PRDM4: variants seen among roughly 807,000 people sequenced by gnomAD.
The protein encoded by PRDM4 is PR/SET domain 4.
In PRDM4, 38 loss-of-function variants were observed where a neutral mutation model predicts 62.3. The ratio of observed to expected loss-of-function variants is 0.61; its 90% CI spans 0.47 to 0.80. The LOEUF is 0.80. Among genes scored for constraint, PRDM4 ranks in the 30% least tolerant of loss-of-function variants. The pLI is 0.00. For missense variants in PRDM4, 858 were observed against 997.1 expected (o/e 0.86, Z 1.88); for synonymous variants, 339 against 348.2 (o/e 0.97, Z 0.30).
Position 107,760,758 on chromosome 12 carries a change from G to A in PRDM4, c.-243C>T. On this transcript the variant is annotated 5_prime_UTR_variant, in exon 2 of 12. Coordinates refer to ENST00000228437, the MANE Select transcript of PRDM4 (RefSeq NM_012406.4). Reference sequence around the variant, plus strand: ...GCCTTCCGTCCAGAAGCTTCGGGAAGGGGGCTGCCCAACCTGGGGGAGTGG... The same window carrying A: ...GCCTTCCGTCCAGAAGCTTCGGGAAAGGGGCTGCCCAACCTGGGGGAGTGG... The A allele has an allele frequency of 1.9e-6, 1 of 536,100 alleles. No homozygotes were observed. The highest frequency in any genetic ancestry group is 2.2e-5 in the South Asian group (1 of 45,906). 33.2% of individuals were successfully genotyped at this position (536,100 alleles called of 1,614,324 possible).
At position 107,754,105 on chromosome 12, in the gene PRDM4, G is replaced by A; in HGVS notation, c.150C>T (p.Leu50=). Residue 50 remains leucine, a synonymous_variant, in exon 4 of 12, where the codon CTC becomes CTT. Transcript: ENST00000228437. ...GACCCAGGTTTGGAATTGCCACTGGGAGGCCTACAAAACAAAATTTTTTTT... is the reference window on the plus strand; with the variant it reads ...GACCCAGGTTTGGAATTGCCACTGGAAGGCCTACAAAACAAAATTTTTTTT... The part of the protein sequence containing the change: ...PTHSAIPAPG[L]PVAIPNLGPS... The A allele has an allele frequency of 1.3e-6, 2 of 1,585,058 alleles. No individual in the cohort carries two copies. The highest frequency in any genetic ancestry group is 1.7e-6 in the Non-Finnish European group (2 of 1,167,632).
At chr12:107,746,625 C>T (rs1890717203) in intron 5 of PRDM4, among the ~76,000 whole-genome samples, 1 of 152,024 alleles carries the variant, frequency 6.6e-6, no homozygotes, top group Non-Finnish European at 1.5e-5. Flanking sequence ...GCTGGGACTA[C>T]AGGCGTGTGC....
intron 2 of PRDM4, among the ~76,000 whole-genome samples, chr12:107,759,112 A>G (rs997199886): frequency 2.0e-5 from 3 of 151,806 alleles, no homozygotes; most frequent in African/African-American, 4.8e-5. Context: ...TCTACTAAAC[A>G]TTTTTTTTAA....
In PRDM4 at chr12:107,747,975, A is replaced by G. The variant is rs117978304; in HGVS notation, c.1127-1551T>C. On this transcript the variant is annotated intron_variant, in intron 5 of 11. Coordinates refer to ENST00000228437, the MANE Select transcript of PRDM4 (RefSeq NM_012406.4). ...GCCATGTTGCCTAGGCTGGTCTCGAACGCATGAGACCAGGTAGAAACACGG... is the reference window on the plus strand; with the variant it reads ...GCCATGTTGCCTAGGCTGGTCTCGAGCGCATGAGACCAGGTAGAAACACGG... 2.3e-3 allele frequency among the ~76,000 whole-genome samples: 356 copies of G among 152,178 alleles called. 9 individuals carry two copies. In the East Asian group the frequency reaches 0.038, roughly 16 times the overall value.
Position 107,744,580 on chromosome 12 carries a change from G to A in PRDM4, c.1358C>T (p.Ala453Val). The A allele has an allele frequency of 6.2e-7, 1 of 1,613,762 alleles. No homozygotes were observed. The highest frequency in any genetic ancestry group is 8.5e-7 in the Non-Finnish European group (1 of 1,179,724). Residue 453 changes from alanine (A) to valine (V), a missense_variant, in exon 7 of 12, where the codon GCA becomes GTA. Transcript: ENST00000228437. Reference sequence around the variant, plus strand: ...GTTAACTGCCTTGTCTGTCCATTCTGCTACTTCCATGGAGTGACTCTGCTG... The same window carrying A: ...GTTAACTGCCTTGTCTGTCCATTCTACTACTTCCATGGAGTGACTCTGCTG... Reference protein sequence around the residue: ...IGQQSHSMEVAEWTDKAVNHI... With the variant: ...IGQQSHSMEVVEWTDKAVNHI...
In PRDM4 at chr12:107,760,354, C is replaced by T. The variant is rs1046589325; in HGVS notation, c.11+151G>A. 20 of 944,714 alleles carry T rather than the reference C, an allele frequency of 2.1e-5. No homozygotes were observed. In the African/African-American group the frequency reaches 2.2e-4, roughly 11 times the overall value. The allele number at this position is 944,714 out of a possible 1,614,324, so 58.5% of individuals were successfully genotyped here. A position where few individuals can be genotyped will look rare whatever the true frequency, so the allele number is the denominator to read the frequency against. On this transcript the variant is annotated intron_variant, in intron 2 of 11. Coordinates refer to ENST00000228437, the MANE Select transcript of PRDM4 (RefSeq NM_012406.4). Reference sequence around the variant, plus strand: ...AAATTAGGATGCATGAGATTACATTCCACCCAACACTAGTTTCTGGATTTG... The same window carrying T: ...AAATTAGGATGCATGAGATTACATTTCACCCAACACTAGTTTCTGGATTTG...
At position 107,739,653 on chromosome 12, in the gene PRDM4, CAG is replaced by C. The variant is rs1358589761; in HGVS notation, c.1925-104_1925-103del. On this transcript the variant is annotated intron_variant, in intron 10 of 11. Transcript: ENST00000228437. ...GCATGCAGCAGAGGCAGGAATGAAA[CAG>C]AGCTGACTGGTAAGCAGCATTTTAC... is the stretch of plus-strand genomic sequence containing the variant. 5 of 1,210,654 alleles carry C rather than the reference CAG, an allele frequency of 4.1e-6. No homozygotes were observed. In the Admixed American group the frequency reaches 9.4e-5, roughly 23 times the overall value. The allele number at this position is 1,210,654 out of a possible 1,614,324, so 75.0% of individuals were successfully genotyped here. A position where few individuals can be genotyped will look rare whatever the true frequency, so the allele number is the denominator to read the frequency against.
In PRDM4 at chr12:107,733,225, A is replaced by G. The variant is rs1255325225; in HGVS notation, c.*985T>C. 1 of 152,240 alleles carries G rather than the reference A, an allele frequency of 6.6e-6. No individual in the cohort carries two copies. Among genetic ancestry groups the G allele is most frequent in the Non-Finnish European group, 1.5e-5 (1 of 68,050 alleles). 9.4% of individuals were successfully genotyped at this position (152,240 alleles called of 1,614,324 possible). ...TCTGATGAGGTTCCTCAGCACTGAG[A>G]CAACTGGGAAGACCTAACTTTGCAC... is the stretch of plus-strand genomic sequence containing the variant. On this transcript the variant is annotated 3_prime_UTR_variant, in exon 12 of 12. Coordinates refer to ENST00000228437, the MANE Select transcript of PRDM4 (RefSeq NM_012406.4).
intron 6 of PRDM4, among the ~76,000 whole-genome samples, chr12:107,745,063 A>C (rs1890649294): frequency 6.6e-6 from 1 of 152,156 alleles, no homozygotes; most frequent in African/African-American, 2.4e-5. Flanking sequence ...CTGTCTCAAA[A>C]AAAATAAAAA....
chr12:107,745,614 T>C (rs1890676347), intron 6 of PRDM4, among the ~76,000 whole-genome samples: 1 of 152,112 alleles, frequency 6.6e-6, no homozygotes, highest in African/African-American at 2.4e-5. Context: ...ACAGAAAACA[T>C]TATTCTATTG....
rs890473194 is a variant in PRDM4, at chr12:107,761,009, C to A, written c.-309G>T. ...CCTGCCCCACTGCTTTGTTCCTCAT[C>A]CGGGCAGAGTTCGCCTCGGGGCCCT... On this transcript the variant is annotated 5_prime_UTR_variant, in exon 1 of 12. Coordinates refer to ENST00000228437, the MANE Select transcript of PRDM4 (RefSeq NM_012406.4). 8.0e-5 allele frequency: 12 copies of A among 150,834 alleles called. No individual in the cohort carries two copies. The highest frequency in any genetic ancestry group is 2.6e-4 in the Admixed American group (4 of 15,134). 9.3% of individuals were successfully genotyped at this position (150,834 alleles called of 1,614,324 possible). A position where few individuals can be genotyped will look rare whatever the true frequency, so the allele number is the denominator to read the frequency against.
rs757677589 is a variant in PRDM4, at chr12:107,756,817, T to C, written c.145+15A>G. ...GTTAAGTGTTGAAATGCAGTAGGTC[T>C]CCCTTACCACTCACCTGGGGCAGGG... On this transcript the variant is annotated intron_variant, in intron 3 of 11. Coordinates refer to ENST00000228437, the MANE Select transcript of PRDM4 (RefSeq NM_012406.4). The C allele has an allele frequency of 6.8e-6, 11 of 1,613,728 alleles. No individual in the cohort carries two copies. In the East Asian group the frequency reaches 2.5e-4, roughly 36 times the overall value.
Position 107,751,804 on chromosome 12 carries a change from G to A in PRDM4, c.737C>T (p.Ala246Val), listed in dbSNP as rs1890903648. 6.2e-7 allele frequency: 1 copy of A among 1,614,094 alleles called. No individual in the cohort carries two copies. Among genetic ancestry groups the A allele is most frequent in the Non-Finnish European group, 8.5e-7 (1 of 1,180,044 alleles). The part of the protein sequence containing the change: ...SVDSVSNNLA[A>V]DAVGHGGVIP... ...CACACCACCATGTCCTACAGCGTCT[G>A]CTGCAAGGTTGTTGCTCACAGAATC... The change falls in exon 5 of 12, where the codon GCA becomes GTA. Residue 246 changes from alanine to valine, a missense_variant. Transcript: ENST00000228437.
chr12:107,740,056 GGATA>G (rs1353169789), intron 10 of PRDM4, among the ~76,000 whole-genome samples: 3 of 152,252 alleles, frequency 2.0e-5, no homozygotes, highest in South Asian at 4.1e-4. Flanking sequence ...TTCTCTTAAA[GGATA>G]GATAGAATTT....
intron 4 of PRDM4, among the ~76,000 whole-genome samples, chr12:107,752,939 T>C (rs1197597460): frequency 1.3e-5 from 2 of 152,126 alleles, no homozygotes; most frequent in South Asian, 2.1e-4. Context: ...TAATAAACCA[T>C]CAAATACCCA....
rs777670091 is a variant in PRDM4 at position 107,734,190 on chromosome 12, ATTGC to A, written c.*16_*19del. 221 of 1,564,828 alleles carry A rather than the reference ATTGC, an allele frequency of 1.4e-4. No homozygotes were observed. In the African/African-American group the frequency reaches 2.9e-3, roughly 20 times the overall value. On this transcript the variant is annotated 3_prime_UTR_variant, in exon 12 of 12. Transcript: ENST00000228437. ...TTTTCCATTTGCATTTTCATCCAAAATTGCTTGTTTCTTTTCCTTTTATTTATGT... is the reference window on the plus strand; with the variant it reads ...TTTTCCATTTGCATTTTCATCCAAAATTGTTTCTTTTCCTTTTATTTATGT...
rs781095715 is a variant in PRDM4, at chr12:107,751,583, C to T, written c.958G>A (p.Val320Ile). Reference protein sequence around the residue: ...ASLESVSLHEVGLSLEPVAVS... With the variant: ...ASLESVSLHEIGLSLEPVAVS... ...GCCACAGGTTCTAGGCTGAGGCCAA[C>T]TTCATGGAGGGAAACAGATTCTAGG... The change falls in exon 5 of 12, where the codon GTT (valine) becomes ATT (isoleucine). Residue 320 changes from valine (V) to isoleucine (I), a missense_variant. This residue lies in a region of PRDM4 where 499 missense variants were observed against 546.7 expected (regional missense o/e 0.91). Transcript: ENST00000228437. 5 of 1,613,756 alleles carry T rather than the reference C, an allele frequency of 3.1e-6. No homozygotes were observed. Among genetic ancestry groups the T allele is most frequent in the Non-Finnish European group, 4.2e-6 (5 of 1,179,656 alleles).
In PRDM4 at chr12:107,760,791, A is replaced by G; in HGVS notation, c.-256-20T>C. On this transcript the variant is annotated intron_variant, in intron 1 of 11. Coordinates refer to ENST00000228437, the MANE Select transcript of PRDM4 (RefSeq NM_012406.4). ...CCCAACCTGGGGGAGTGGGGACAAG[A>G]GCGGTCACCAAAACCACAACAAGGT... The G allele has an allele frequency of 2.3e-6, 1 of 443,628 alleles. No homozygotes were observed. The highest frequency in any genetic ancestry group is 4.1e-6 in the Non-Finnish European group (1 of 245,880). The allele number at this position is 443,628 out of a possible 1,614,324, so 27.5% of individuals were successfully genotyped here.
intron 5 of PRDM4, among the ~76,000 whole-genome samples, chr12:107,750,730 CAT>C (rs1890862157): frequency 6.6e-6 from 1 of 152,038 alleles, no homozygotes; most frequent in Admixed American, 6.6e-5. Flanking sequence ...TACATTTTTC[CAT>C]GGGGTTATAA....
Sources: gnomAD v4.1 joint callset for allele counts (sites outside exome capture counted in the v4.1 genomes callset) on GRCh38, gnomAD v4.1.1 for gene constraint, gnomAD v4.1.1 regional missense constraint, MANE v1.5 for transcripts, NCBI Gene and HGNC (gene_info 2026-07-23, HGNC 2026-07-21) for gene names.